Variants in CSMD1 observed in about 807,000 individuals in gnomAD.
The protein encoded by CSMD1 is CUB and Sushi multiple domains 1.
A neutral mutation model predicts 417.5 loss-of-function variants in CSMD1; 213 were observed. That is an observed-to-expected ratio of 0.51 (90% confidence interval 0.46 to 0.57). The LOEUF is 0.57. Ranked by LOEUF, CSMD1 falls within the 20% of genes least tolerant of loss-of-function variation. The pLI, the probability that CSMD1 is intolerant of heterozygous loss-of-function variation, is 0.00. For missense variants in CSMD1, 6,923 were observed against 4,529.7 expected (o/e 1.53, Z -15.17); for synonymous variants, 2,862 against 1,736.8 (o/e 1.65, Z -16.11).
intron 3 of CSMD1, among the ~76,000 whole-genome samples, chr8:4,195,820 C>T (rs746741169): frequency 1.3e-5 from 2 of 152,136 alleles, no homozygotes; most frequent in African/African-American, 4.8e-5. Context: ...GCCCTCAAGC[C>T]TGTAGATGAG....
chr8:4,532,804 G>C (rs62479748), intron 2 of CSMD1, among the ~76,000 whole-genome samples: 1 of 130,068 alleles, frequency 7.7e-6, no homozygotes, highest in Non-Finnish European at 1.6e-5. Context: ...CAGTCACTCC[G>C]GAAGAGAAAT....
chr8:4,594,070 T>A (rs1800131962), intron 2 of CSMD1, among the ~76,000 whole-genome samples: 1 of 152,102 alleles, frequency 6.6e-6, no homozygotes, highest in African/African-American at 2.4e-5. Flanking sequence ...CATCTTTACA[T>A]GGCCTCTTCC....
Position 3,171,996 on chromosome 8 carries a change from A to G in CSMD1, c.5725+9114T>C, listed in dbSNP as rs114397967. 4.9e-3 allele frequency among the ~76,000 whole-genome samples: 740 copies of G among 152,296 alleles called. 3 individuals are homozygous for G. Among genetic ancestry groups the G allele is most frequent in the African/African-American group, 0.017 (699 of 41,548 alleles). On this transcript the variant is annotated intron_variant, in intron 37 of 69. Transcript: ENST00000635120. ...CAAAGGCTAGACTTACCTAAATGATATTATATTTAATGAAAGTAAACTCAC... is the reference window on the plus strand; with the variant it reads ...CAAAGGCTAGACTTACCTAAATGATGTTATATTTAATGAAAGTAAACTCAC...
chr8:3,903,861 G>A (rs1276769833), intron 5 of CSMD1, among the ~76,000 whole-genome samples: 3 of 151,746 alleles, frequency 2.0e-5, no homozygotes, highest in Non-Finnish European at 4.4e-5. Context: ...TTGTTAGGGA[G>A]TCATTGCCAT....
intron 3 of CSMD1, among the ~76,000 whole-genome samples, chr8:4,188,115 A>C (rs1798791242): frequency 6.6e-6 from 1 of 152,152 alleles, no homozygotes; most frequent in African/African-American, 2.4e-5. Context: ...TGTAATTAAA[A>C]ACATAGGTTT....
intron 4 of CSMD1, among the ~76,000 whole-genome samples, chr8:4,029,606 C>G (rs1441680253): frequency 6.6e-6 from 1 of 152,106 alleles, no homozygotes; most frequent in East Asian, 1.9e-4. Flanking sequence ...AGCTGCAATT[C>G]AAGATGAGGT....
chr8:4,188,809 G>A (rs1047858660), intron 3 of CSMD1, among the ~76,000 whole-genome samples: 2 of 151,810 alleles, frequency 1.3e-5, no homozygotes, highest in Non-Finnish European at 2.9e-5. Context: ...AATATTATGG[G>A]GGAGGATGGT....
chr8:4,354,881 T>TGTGTGTGTGA lies in CSMD1; in HGVS notation c.415+65071_415+65072insTCACACACAC, dbSNP rs1554442775. On this transcript the variant is annotated intron_variant, in intron 3 of 69. Transcript: ENST00000635120. Reference sequence around the variant, plus strand: ...GGAAAATGTAGTGTGTGTGTGTGTGTGTGTGTGTGTGTGTGTGTGTGTGTG... The same window carrying TGTGTGTGTGA: ...GGAAAATGTAGTGTGTGTGTGTGTGTGTGTGTGTGAGTGTGTGTGTGTGTGTGTGTGTGTG... 1.2e-3 allele frequency among the ~76,000 whole-genome samples: 173 copies of TGTGTGTGTGA among 149,482 alleles called. 1 individual carries two copies. Among genetic ancestry groups the TGTGTGTGTGA allele is most frequent in the African/African-American group, 4.2e-3 (169 of 40,598 alleles).
chr8:3,557,387 C>A lies in CSMD1; in HGVS notation c.1344+17558G>T, dbSNP rs568587936. On this transcript the variant is annotated intron_variant, in intron 10 of 69. Coordinates refer to ENST00000635120, the MANE Select transcript of CSMD1 (RefSeq NM_033225.6). Reference sequence around the variant, plus strand: ...TTGGCCATTATTACTATCATTTATTCGTGACCATTTATGGGTCTTCACTAT... The same window carrying A: ...TTGGCCATTATTACTATCATTTATTAGTGACCATTTATGGGTCTTCACTAT... 1.1e-3 allele frequency among the ~76,000 whole-genome samples: 168 copies of A among 152,248 alleles called. 1 individual carries two copies. Among genetic ancestry groups the A allele is most frequent in the Non-Finnish European group, 2.2e-3 (153 of 68,024 alleles).
chr8:4,928,135 TG>T (rs1480291226), intron 1 of CSMD1, among the ~76,000 whole-genome samples: 6 of 152,122 alleles, frequency 3.9e-5, no homozygotes, highest in African/African-American at 1.4e-4. Context: ...CCCCAGCCTC[TG>T]CCCACGTGGG....
chr8:3,839,192 AAATT>A (rs1038986903), intron 5 of CSMD1, among the ~76,000 whole-genome samples: 81 of 126,722 alleles, frequency 6.4e-4, no homozygotes, highest in African/African-American at 1.8e-3. Flanking sequence ...TATAATAAAT[AAATT>A]AATATGTAAT....
At chr8:3,243,778 A>G (rs1401419561) in intron 26 of CSMD1, among the ~76,000 whole-genome samples, 1 of 150,512 alleles carries the variant, frequency 6.6e-6, no homozygotes, top group South Asian at 2.1e-4. Context: ...TATCATTTAT[A>G]TATAATATTG....
At chr8:3,781,161 C>G (rs1460891668) in intron 5 of CSMD1, among the ~76,000 whole-genome samples, 1 of 152,034 alleles carries the variant, frequency 6.6e-6, no homozygotes, top group African/African-American at 2.4e-5. Flanking sequence ...CCAAACAAGA[C>G]AAAGATTGGT....
At chr8:4,227,631 T>A (rs1328824732) in intron 3 of CSMD1, among the ~76,000 whole-genome samples, 1 of 151,984 alleles carries the variant, frequency 6.6e-6, no homozygotes, top group Non-Finnish European at 1.5e-5. Context: ...ACACTCGGCC[T>A]TCTTCCTACC....
chr8:3,267,182 G>C (rs562093497), intron 26 of CSMD1, among the ~76,000 whole-genome samples: 23 of 152,228 alleles, frequency 1.5e-4, no homozygotes, highest in African/African-American at 4.6e-4. Context: ...CACTGCCTGG[G>C]AGAGGGGTCA....
chr8:3,473,102 C>G (rs563798874), intron 11 of CSMD1, among the ~76,000 whole-genome samples: 11 of 152,154 alleles, frequency 7.2e-5, no homozygotes, highest in Non-Finnish European at 1.6e-4. Flanking sequence ...AATTCTTACA[C>G]ATTGAAAAGA....
At chr8:4,964,835 T>A (rs80192056) in intron 1 of CSMD1, among the ~76,000 whole-genome samples, 2 of 152,198 alleles carry the variant, frequency 1.3e-5, no homozygotes, top group Non-Finnish European at 2.9e-5. Context: ...CGATGGACTT[T>A]AATACCAGTC....
intron 1 of CSMD1, among the ~76,000 whole-genome samples, chr8:4,969,659 G>A (rs1810112697): frequency 6.6e-6 from 1 of 151,940 alleles, no homozygotes; most frequent in Non-Finnish European, 1.5e-5. Context: ...TGAGCCCATT[G>A]ATTTCGAGGT....
intron 3 of CSMD1, among the ~76,000 whole-genome samples, chr8:4,320,421 C>A (rs1225327405): frequency 6.6e-6 from 1 of 152,070 alleles, no homozygotes; most frequent in African/African-American, 2.4e-5. Context: ...AGGTTTGTGA[C>A]ATAGGTAGAC....
Sources: gnomAD v4.1 joint callset for allele counts (sites outside exome capture counted in the v4.1 genomes callset) on GRCh38, gnomAD v4.1.1 for gene constraint, MANE v1.5 for transcripts, NCBI Gene and HGNC (gene_info 2026-07-23, HGNC 2026-07-21) for gene names.